Variants in CPEB1 observed in about 807,000 individuals in gnomAD.
The protein encoded by CPEB1 is cytoplasmic polyadenylation element binding protein 1, also known as cytoplasmic polyadenylation element-binding protein 1.
CPEB1 carries 7 observed loss-of-function variants against 65.8 expected under a neutral mutation model. The observed-to-expected ratio is 0.11, with a 90% CI of 0.06 to 0.20. The LOEUF is 0.20. Among genes scored for constraint, CPEB1 ranks in the 10% least tolerant of loss-of-function variants. The probability of loss-of-function intolerance (pLI) is 1.00; values close to 1 mark genes in which losing one functional copy is unlikely to be tolerated. For missense variants in CPEB1, 551 were observed against 712.2 expected, an observed-to-expected ratio of 0.77 and a Z score of 2.58; for synonymous variants, 262 against 260.0, an observed-to-expected ratio of 1.01 and a Z score of -0.08.
At chr15:82,554,889 T>C (rs2036919620) in intron 6 of CPEB1, among the ~76,000 whole-genome samples, 1 of 152,192 alleles carries the variant, frequency 6.6e-6, no homozygotes, top group African/African-American at 2.4e-5. Flanking sequence ...TCCAAAAGCA[T>C]GGTAATGTCA....
intron 5 of CPEB1, 39 bp downstream of exon 5, chr15:82,557,721 C>G: frequency 6.3e-7 from 1 of 1,577,992 alleles, no homozygotes; most frequent in African/African-American, 1.3e-5. Context: ...ACACAGGCAA[C>G]TCCACCCACA....
intron 11 of CPEB1, 122 bp from the exon 12 acceptor site, chr15:82,546,643 T>C (rs2035274130): frequency 1.3e-6 from 1 of 747,614 alleles, no homozygotes; most frequent in East Asian, 2.6e-5. Context: ...TGCAGGATAT[T>C]TGCCTGTTTT....
At chr15:82,610,060 C>CAAAA (rs34626642) in intron 3 of CPEB1, among the ~76,000 whole-genome samples, 1 of 106,302 alleles carries the variant, frequency 9.4e-6, no homozygotes, top group Non-Finnish European at 1.9e-5. Flanking sequence ...ACCTCCGTGG[C>CAAAA]AAAAAAAAAA....
chr15:82,586,873 G>C (rs2041847859), intron 3 of CPEB1, among the ~76,000 whole-genome samples: 1 of 152,134 alleles, frequency 6.6e-6, no homozygotes, highest in African/African-American at 2.4e-5. Context: ...GATGTCTGCT[G>C]CCCTAAGCCT....
intron 3 of CPEB1, among the ~76,000 whole-genome samples, chr15:82,573,797 C>CCAGTTAATATATATGTATG (rs1343170250): frequency 6.6e-6 from 1 of 151,990 alleles, no homozygotes; most frequent in Non-Finnish European, 1.5e-5. Flanking sequence ...AACAAGATCC[C>CCAGTTAATATATATGTATG]CAGTTAATAT....
intron 2 of CPEB1, 174 bp downstream of exon 2, chr15:82,628,189 CA>C: frequency 2.9e-6 from 2 of 701,724 alleles, no homozygotes; most frequent in South Asian, 1.5e-5. Context: ...CCATCATGCC[CA>C]AAATAATAAA....
intron 3 of CPEB1, among the ~76,000 whole-genome samples, chr15:82,613,189 A>G (rs1386343160): frequency 1.3e-5 from 2 of 152,220 alleles, no homozygotes; most frequent in Non-Finnish European, 2.9e-5. Context: ...AATCCAAACA[A>G]TATACTAAAT....
At chr15:82,564,167 T>C (rs935238395) in intron 4 of CPEB1, among the ~76,000 whole-genome samples, 5 of 152,210 alleles carry the variant, frequency 3.3e-5, no homozygotes, top group African/African-American at 1.2e-4. Context: ...AGGTGAACAA[T>C]GACTGCTGAA....
In CPEB1 at chr15:82,595,510, A is replaced by G. The variant is rs541920059; in HGVS notation, c.272-23978T>C. Among the ~76,000 whole-genome samples, 3 of 152,348 alleles carry G rather than the reference A, an allele frequency of 2.0e-5. No individual in the cohort carries two copies. In the East Asian group the frequency reaches 5.8e-4, roughly 29 times the overall value. ...CAGGTGTAAAGAGGCTCCACTGTTC[A>G]AAGATTGGACCATCTAAACAAAAAA... On this transcript the variant is annotated intron_variant, in intron 3 of 12. Coordinates refer to ENST00000684509, the MANE Select transcript of CPEB1 (RefSeq NM_001365242.1).
chr15:82,574,746 A>AAAAAAAAAAAAAAAAC (rs2040467891), intron 3 of CPEB1, among the ~76,000 whole-genome samples: 1 of 139,950 alleles, frequency 7.1e-6, no homozygotes, highest in African/African-American at 2.6e-5. Flanking sequence ...AAAAAAAAAA[A>AAAAAAAAAAAAAAAAC]AAAAATCATA....
intron 3 of CPEB1, among the ~76,000 whole-genome samples, chr15:82,612,271 T>C (rs1596105224): frequency 6.6e-6 from 1 of 150,750 alleles, no homozygotes; most frequent in South Asian, 2.1e-4. Flanking sequence ...CTGAGGCGGG[T>C]GGATTGCCTG....
chr15:82,645,141 A>AG (rs1269527259), intron 1 of CPEB1, among the ~76,000 whole-genome samples: 3 of 152,058 alleles, frequency 2.0e-5, no homozygotes, highest in African/African-American at 7.2e-5. Context: ...AACGGTTCGG[A>AG]GGGGGGAAAC....
At chr15:82,577,686 T>G (rs575148596) in intron 3 of CPEB1, among the ~76,000 whole-genome samples, 4 of 152,130 alleles carry the variant, frequency 2.6e-5, no homozygotes, top group African/African-American at 9.6e-5. Flanking sequence ...GGCTAATTTT[T>G]TTGGGAAGTA....
intron 6 of CPEB1, among the ~76,000 whole-genome samples, chr15:82,555,372 T>A (rs879440989): frequency 4.6e-5 from 7 of 152,184 alleles, no homozygotes; most frequent in Admixed American, 1.3e-4. Context: ...CTCCTCACTT[T>A]AGAGGTTGAC....
chr15:82,562,830 G>C (rs1286102655), intron 4 of CPEB1, among the ~76,000 whole-genome samples: 2 of 139,096 alleles, frequency 1.4e-5, no homozygotes, highest in Non-Finnish European at 3.1e-5. Flanking sequence ...GCAAAATCCT[G>C]TCTCAAAAAA....
chr15:82,633,069 A>G (rs557700925), intron 1 of CPEB1: 2 of 152,266 alleles, frequency 1.3e-5, no homozygotes, highest in East Asian at 3.9e-4. Context: ...ATTTTGCCAT[A>G]AAGTGAGGTC....
At chr15:82,616,565 GT>G (rs2044733705) in intron 3 of CPEB1, among the ~76,000 whole-genome samples, 2 of 142,256 alleles carry the variant, frequency 1.4e-5, no homozygotes, top group South Asian at 4.3e-4. Flanking sequence ...TTGAGACGGA[GT>G]TTCGTTCTTG....
intron 1 of CPEB1, among the ~76,000 whole-genome samples, chr15:82,645,139 G>A (rs1001759687): frequency 4.6e-5 from 7 of 152,282 alleles, no homozygotes; most frequent in Admixed American, 1.3e-4. Context: ...CAAACGGTTC[G>A]GAGGGGGGAA....
At chr15:82,545,072 T>C (rs552548118) in intron 12 of CPEB1, among the ~76,000 whole-genome samples, 8 of 152,308 alleles carry the variant, frequency 5.3e-5, no homozygotes, top group African/African-American at 9.6e-5. Flanking sequence ...ATAAGGATAC[T>C]GACTAAAAAT....
Sources: gnomAD v4.1 joint callset for allele counts (sites outside exome capture counted in the v4.1 genomes callset) on GRCh38, gnomAD v4.1.1 for gene constraint, MANE v1.5 for transcripts, NCBI Gene and HGNC (gene_info 2026-07-23, HGNC 2026-07-21) for gene names.